ROBO2: variants seen among roughly 807,000 people sequenced by gnomAD.
ROBO2 encodes roundabout homolog 2.
In ROBO2, 53 loss-of-function variants were observed where a neutral mutation model predicts 160.8. The observed-to-expected ratio is 0.33, with a 90% CI of 0.26 to 0.41. The LOEUF is 0.41. Ranked by LOEUF, ROBO2 falls within the 10% of genes least tolerant of loss-of-function variation. The pLI is 1.00. For missense variants in ROBO2, 1,577 were observed against 1,722.4 expected, an observed-to-expected ratio of 0.92 and a Z score of 1.49; for synonymous variants, 664 against 611.7, an observed-to-expected ratio of 1.09 and a Z score of -1.26.
intron 2 of ROBO2, among the ~76,000 whole-genome samples, chr3:77,462,375 T>G (rs2082333707): frequency 6.6e-6 from 1 of 152,208 alleles, no homozygotes; most frequent in Admixed American, 6.5e-5. Context: ...GTTTGTGAAT[T>G]TTTAGTCTAT....
intron 2 of ROBO2, among the ~76,000 whole-genome samples, chr3:75,981,632 A>T (rs1045099299): frequency 4.6e-5 from 7 of 151,072 alleles, no homozygotes; most frequent in South Asian, 2.1e-4. Context: ...TTATTTTTAA[A>T]TTTTTTGTGG....
intron 2 of ROBO2, among the ~76,000 whole-genome samples, chr3:76,784,971 T>G (rs1442906347): frequency 1.3e-5 from 2 of 151,266 alleles, no homozygotes; most frequent in African/African-American, 4.8e-5. Flanking sequence ...TCTTGAATTT[T>G]TTGGACCACC....
chr3:77,168,717 C>A (rs2079342200), intron 2 of ROBO2, among the ~76,000 whole-genome samples: 1 of 152,164 alleles, frequency 6.6e-6, no homozygotes, highest in African/African-American at 2.4e-5. Context: ...AAAAAGTCTG[C>A]TGAGTCTGGG....
At position 77,393,591 on chromosome 3, in the gene ROBO2, T is replaced by C. The variant is rs575483856; in HGVS notation, c.389-83823T>C. ...ATAGTATAATTATAATATATAGTAA[T>C]ATATAATATATTTATACTGAACATC... is the stretch of plus-strand genomic sequence containing the variant. On this transcript the variant is annotated intron_variant, in intron 2 of 25. Coordinates refer to ENST00000461745, the Ensembl canonical transcript of ROBO2. Among the ~76,000 whole-genome samples, 174 of 148,696 alleles carry C rather than the reference T, an allele frequency of 1.2e-3. 1 individual carries two copies. The Middle Eastern group carries it at 0.018, about 15-fold the overall frequency.
At chr3:77,000,374 C>T (rs1339826229) in intron 2 of ROBO2, among the ~76,000 whole-genome samples, 1 of 152,180 alleles carries the variant, frequency 6.6e-6, no homozygotes, top group Non-Finnish European at 1.5e-5. Flanking sequence ...TCCAGAGCTT[C>T]CCCTTTGCCA....
chr3:76,494,970 C>T (rs1215609007), intron 2 of ROBO2, among the ~76,000 whole-genome samples: 1 of 152,074 alleles, frequency 6.6e-6, no homozygotes, highest in Admixed American at 6.6e-5. Context: ...GAACTAGATA[C>T]AGGTGGTGAC....
intron 2 of ROBO2, among the ~76,000 whole-genome samples, chr3:76,440,934 T>G (rs1224698964): frequency 6.6e-6 from 1 of 152,164 alleles, no homozygotes; most frequent in Admixed American, 6.6e-5. Context: ...TGGCCTATTA[T>G]CCCATCTCTA....
At chr3:77,497,636 T>G (rs1163059520) in intron 5 of ROBO2, among the ~76,000 whole-genome samples, 1 of 152,142 alleles carries the variant, frequency 6.6e-6, no homozygotes, top group Non-Finnish European at 1.5e-5. Context: ...GTCTGTCTTT[T>G]GCAGGCAAAT....
At chr3:76,968,217 C>G (rs1379903546) in intron 2 of ROBO2, among the ~76,000 whole-genome samples, 2 of 152,094 alleles carry the variant, frequency 1.3e-5, no homozygotes, top group African/African-American at 4.8e-5. Context: ...ATAAATCTCT[C>G]TAGAACATAT....
At chr3:76,272,328 G>T (rs1236889596) in intron 2 of ROBO2, among the ~76,000 whole-genome samples, 1 of 152,086 alleles carries the variant, frequency 6.6e-6, no homozygotes, top group East Asian at 1.9e-4. Flanking sequence ...AAAATTATGA[G>T]TTAAAAATAT....
chr3:76,692,866 A>G (rs1202674465), intron 2 of ROBO2, among the ~76,000 whole-genome samples: 1 of 151,822 alleles, frequency 6.6e-6, no homozygotes, highest in African/African-American at 2.4e-5. Context: ...GAACACACTC[A>G]CAAACACACT....
intron 2 of ROBO2, among the ~76,000 whole-genome samples, chr3:76,457,347 G>A (rs568656010): frequency 6.6e-5 from 10 of 152,270 alleles, no homozygotes; most frequent in Middle Eastern, 3.4e-3. Flanking sequence ...GAAATCCAGC[G>A]GTGCAGTCAA....
chr3:76,712,342 C>T (rs2093310638), intron 2 of ROBO2, among the ~76,000 whole-genome samples: 1 of 152,010 alleles, frequency 6.6e-6, no homozygotes, highest in Non-Finnish European at 1.5e-5. Flanking sequence ...AGTGTTATGG[C>T]CCAGGACTTG....
chr3:77,128,524 A>G (rs72891527), intron 2 of ROBO2, among the ~76,000 whole-genome samples: 12,657 of 152,134 alleles, frequency 0.083, 737 homozygotes, highest in African/African-American at 0.16. Flanking sequence ...TGGATGACTA[A>G]TTTTTTGCAC....
chr3:76,375,477 G>C (rs907316210), intron 2 of ROBO2, among the ~76,000 whole-genome samples: 1 of 151,886 alleles, frequency 6.6e-6, no homozygotes, highest in African/African-American at 2.4e-5. Context: ...AAGCCCTGAG[G>C]CAATTATAAA....
intron 2 of ROBO2, among the ~76,000 whole-genome samples, chr3:77,268,608 A>G (rs946705155): frequency 4.6e-5 from 7 of 152,200 alleles, no homozygotes; most frequent in Admixed American, 6.6e-5. Context: ...AGTAATGTGC[A>G]CATCAGTACA....
chr3:76,039,659 A>T lies in ROBO2; in HGVS notation c.109+102057A>T, dbSNP rs148455087. ...CTACAGGGTAAAAGGAAAGAACATT[A>T]TCTGACTAATAAGGAAGAAGGAGTT... On this transcript the variant is annotated intron_variant, in intron 2 of 26. Transcript: ENST00000487694. Among the ~76,000 whole-genome samples, 32 of 152,242 alleles carry T rather than the reference A, an allele frequency of 2.1e-4. No homozygotes were observed. In the East Asian group the frequency reaches 5.2e-3, roughly 25 times the overall value.
chr3:77,612,787 A>C (rs2094676850), intron 21 of ROBO2, among the ~76,000 whole-genome samples: 1 of 152,052 alleles, frequency 6.6e-6, no homozygotes, highest in African/African-American at 2.4e-5. Flanking sequence ...TCTACTAAAA[A>C]TGCAAAAAAT....
chr3:77,372,470 A>G (rs2071912631), intron 2 of ROBO2, among the ~76,000 whole-genome samples: 1 of 152,186 alleles, frequency 6.6e-6, no homozygotes. Flanking sequence ...ATGAGGTCCC[A>G]TACTAAAGCT....
Sources: allele counts gnomAD v4.1 joint callset (sites outside exome capture counted in the v4.1 genomes callset), GRCh38; gene constraint gnomAD v4.1.1; transcripts MANE v1.5; gene names NCBI Gene and HGNC (gene_info 2026-07-23, HGNC 2026-07-21).